Variants in ACSBG2 observed in about 807,000 individuals in gnomAD.
ACSBG2 encodes the protein long-chain-fatty-acid--CoA ligase ACSBG2.
A neutral mutation model predicts 74.7 loss-of-function variants in ACSBG2; 62 were observed. The ratio of observed to expected loss-of-function variants is 0.83; its 90% CI spans 0.68 to 1.03. The LOEUF (loss-of-function observed/expected upper bound fraction) is 1.03, where lower values mean the gene tolerates loss of function less well. Among genes scored for constraint, ACSBG2 ranks in the 50% least tolerant of loss-of-function variants. The probability of loss-of-function intolerance (pLI) is 0.00; values close to 1 mark genes in which losing one functional copy is unlikely to be tolerated. For synonymous variants in ACSBG2, 309 were observed against 294.1 expected (o/e 1.05, Z -0.52); for missense variants, 730 against 817.6 (o/e 0.89, Z 1.31).
intron 5 of ACSBG2, among the ~76,000 whole-genome samples, chr19:6,158,691 G>A (rs1451120105): frequency 6.6e-6 from 1 of 151,960 alleles, no homozygotes; most frequent in Non-Finnish European, 1.5e-5. Context: ...TCACATCTCT[G>A]GAGTCGAGAT....
rs556567086 is a variant in ACSBG2, at chr19:6,183,284, C to G, written c.1322+12C>G. The G allele has an allele frequency of 6.2e-7, 1 of 1,609,680 alleles. No homozygotes were observed. The highest frequency in any genetic ancestry group is 8.5e-7 in the Non-Finnish European group (1 of 1,176,326). ...TACAGGCTTCTAAGGTACCAGCCCC[C>G]GGGGCAGACCCCTGCTCCTCCCATA... On this transcript the variant is annotated intron_variant, in intron 10 of 14. Transcript: ENST00000588485.
intron 7 of ACSBG2, among the ~76,000 whole-genome samples, 168 bp downstream of exon 7, chr19:6,166,183 A>G (rs2089794419): frequency 6.6e-6 from 1 of 151,962 alleles, no homozygotes; most frequent in South Asian, 2.1e-4. Flanking sequence ...GAGTGCAGTG[A>G]TTGAGATCAA....
intron 2 of ACSBG2, among the ~76,000 whole-genome samples, chr19:6,143,443 A>C (rs1202365458): frequency 2.0e-5 from 3 of 152,004 alleles, no homozygotes; most frequent in African/African-American, 7.2e-5. Flanking sequence ...TTTAGGGATC[A>C]CCCTAAATCC....
intron 5 of ACSBG2, among the ~76,000 whole-genome samples, chr19:6,157,089 A>T (rs1390989780): frequency 6.6e-6 from 1 of 152,066 alleles, no homozygotes; most frequent in Non-Finnish European, 1.5e-5. Flanking sequence ...TGGGACTACA[A>T]GTGCCCACCA....
Position 6,181,044 on chromosome 19 carries a change from TAA to T in ACSBG2, c.907-1690_907-1689del, listed in dbSNP as rs113174172. 7.1e-3 allele frequency among the ~76,000 whole-genome samples: 715 copies of T among 100,008 alleles called. 5 individuals carry two copies. Among genetic ancestry groups the T allele is most frequent in the East Asian group, 0.014 (53 of 3,690 alleles). The allele number at this position is 100,008 out of a possible 152,430, so 65.6% of individuals were successfully genotyped here. ...GAAACTCCGTCTCCTCCGTCTCTACTAAAAAAAAAAAAAAAAAAGAAAAAGAA... is the reference window on the plus strand; with the variant it reads ...GAAACTCCGTCTCCTCCGTCTCTACTAAAAAAAAAAAAAAAAGAAAAAGAA... On this transcript the variant is annotated intron_variant, in intron 8 of 14. Transcript: ENST00000588485.
At chr19:6,137,607 C>T (rs1468767761) in intron 1 of ACSBG2, among the ~76,000 whole-genome samples, 1 of 151,854 alleles carries the variant, frequency 6.6e-6, no homozygotes, top group African/African-American at 2.4e-5. Flanking sequence ...CAGCATTTCA[C>T]TTTTTTATTT....
chr19:6,182,289 C>T (rs768343050), intron 8 of ACSBG2, among the ~76,000 whole-genome samples: 1 of 151,770 alleles, frequency 6.6e-6, no homozygotes, highest in Admixed American at 6.6e-5. Flanking sequence ...ATCTTGCATC[C>T]TTTTTTAACA....
chr19:6,190,802 CACACATACAT>C (rs1181326810), intron 14 of ACSBG2, 110 bp downstream of exon 14: 4 of 563,178 alleles, frequency 7.1e-6, no homozygotes, highest in East Asian at 3.4e-5. Flanking sequence ...CACACACATA[CACACATACAT>C]ACACACACAC....
intron 7 of ACSBG2, among the ~76,000 whole-genome samples, chr19:6,171,824 TTTC>T (rs141233561): frequency 0.023 from 3,515 of 152,254 alleles, 122 homozygotes; most frequent in African/African-American, 0.076. Context: ...TTGCTTAATT[TTTC>T]TTCTTTTCTC....
At chr19:6,165,289 T>C (rs2089758725) in intron 6 of ACSBG2, among the ~76,000 whole-genome samples, 2 of 152,220 alleles carry the variant, frequency 1.3e-5, no homozygotes, top group African/African-American at 4.8e-5. Flanking sequence ...ACATACACAG[T>C]CTGTGTCTCA....
At position 6,152,536 on chromosome 19, in the gene ACSBG2, C is replaced by T. The variant is rs1261428020; in HGVS notation, c.386+741C>T. On this transcript the variant is annotated intron_variant, in intron 4 of 14. Transcript: ENST00000588485. The stretch of plus-strand genomic sequence containing the variant: ...CGATCTCCTGACCTCATGATCCACC[C>T]GCCTCGGCCTCCCAATTTTTTTTTT... Among the ~76,000 whole-genome samples, 5 of 84,708 alleles carry T rather than the reference C, an allele frequency of 5.9e-5. 2 individuals carry two copies. Among genetic ancestry groups the T allele is most frequent in the Admixed American group, 2.7e-4 (2 of 7,516 alleles). The allele number at this position is 84,708 out of a possible 152,430, so 55.6% of individuals were successfully genotyped here.
At chr19:6,187,040 T>C (rs561751719) in intron 11 of ACSBG2, among the ~76,000 whole-genome samples, 1 of 150,304 alleles carries the variant, frequency 6.7e-6, no homozygotes, top group South Asian at 2.1e-4. Flanking sequence ...GTTTCACTCT[T>C]GTTGCCCAGG....
chr19:6,177,350 T>C lies in ACSBG2; in HGVS notation c.860T>C (p.Ile287Thr). 4 of 1,611,952 alleles carry C rather than the reference T, an allele frequency of 2.5e-6. No homozygotes were observed. The East Asian group carries it at 6.7e-5, about 27-fold the overall frequency. The change falls in exon 8 of 15, where the codon ATA becomes ACA. Residue 287 changes from isoleucine (I) to threonine (T), a missense_variant. By Grantham distance (89) the Ile-to-Thr change is moderately conservative. Transcript: ENST00000588485. The part of the protein sequence containing the change: ...AAQMMDIWVP[I>T]KIGALTYFAQ... ...CAGATGATGGACATCTGGGTACCCA[T>C]AAAGATTGGGGCGCTCACATACTTT...
chr19:6,190,332 C>G (rs750220869), intron 13 of ACSBG2: 2 of 445,682 alleles, frequency 4.5e-6, no homozygotes, highest in Non-Finnish European at 8.4e-6. Context: ...ATTGGGTGCA[C>G]AGTCCACATC....
At chr19:6,172,820 C>G (rs962312351) in intron 7 of ACSBG2, among the ~76,000 whole-genome samples, 1 of 151,916 alleles carries the variant, frequency 6.6e-6, no homozygotes, top group Admixed American at 6.6e-5. Context: ...GCATGCATAC[C>G]CTGATGGAGG....
At position 6,184,861 on chromosome 19, in the gene ACSBG2, A is replaced by C. The variant is rs1368463244; in HGVS notation, c.1323-575A>C. 3.6e-4 allele frequency among the ~76,000 whole-genome samples: 51 copies of C among 139,748 alleles called. 1 individual carries two copies. Among genetic ancestry groups the C allele is most frequent in the African/African-American group, 1.2e-3 (41 of 35,154 alleles). The allele number at this position is 139,748 out of a possible 152,430, so 91.7% of individuals were successfully genotyped here. A position where few individuals can be genotyped will look rare whatever the true frequency, so the allele number is the denominator to read the frequency against. On this transcript the variant is annotated intron_variant, in intron 10 of 14. Transcript: ENST00000588485. ...AAAAAAAAAAAAAAAAAAAAAAAAA[A>C]AAAAAAAAAAACGAAAAACAGCCTG...
At chr19:6,179,293 ATTTTTTT>A (rs1169472742) in intron 8 of ACSBG2, among the ~76,000 whole-genome samples, 4 of 118,594 alleles carry the variant, frequency 3.4e-5, no homozygotes, top group Non-Finnish European at 5.1e-5. Flanking sequence ...TCTTTTCTAA[ATTTTTTT>A]TTTTTTTTTT....
chr19:6,181,830 A>C (rs2090270852), intron 8 of ACSBG2, among the ~76,000 whole-genome samples: 1 of 37,028 alleles, frequency 2.7e-5, no homozygotes, highest in South Asian at 1.0e-3. Flanking sequence ...CCCCCAACGA[A>C]ATTTCCTTGG....
chr19:6,163,783 C>CAAAAAAAAAAAAAAAAA (rs1278911071), intron 6 of ACSBG2, among the ~76,000 whole-genome samples: 1 of 81,082 alleles, frequency 1.2e-5, no homozygotes, highest in East Asian at 4.0e-4. Flanking sequence ...AAATAAAATA[C>CAAAAAAAAAAAAAAAAA]AAAAAAAAAA....
Sources: gnomAD v4.1 joint callset for allele counts (sites outside exome capture counted in the v4.1 genomes callset) on GRCh38, gnomAD v4.1.1 for gene constraint, MANE v1.5 for transcripts, NCBI Gene and HGNC (gene_info 2026-07-23, HGNC 2026-07-21) for gene names.